SAMD4A: variants seen among roughly 807,000 people sequenced by gnomAD.
SAMD4A encodes the protein protein Smaug homolog 1.
SAMD4A carries 33 observed loss-of-function variants against 81.3 expected under a neutral mutation model. The ratio of observed to expected loss-of-function variants is 0.41; its 90% confidence interval spans 0.31 to 0.54. SAMD4A has a LOEUF of 0.54. SAMD4A is among the 20% of genes least tolerant of loss of function. The probability of loss-of-function intolerance (pLI) is 0.37; values close to 1 mark genes in which losing one functional copy is unlikely to be tolerated. For synonymous variants in SAMD4A, 389 were observed against 382.1 expected (o/e 1.02, Z -0.21); for missense variants, 854 against 951.1 (o/e 0.90, Z 1.34).
At chr14:54,701,092 A>T (rs1404981306) in intron 2 of SAMD4A, 2 of 151,192 alleles carry the variant, frequency 1.3e-5, no homozygotes, top group African/African-American at 4.9e-5. Context: ...TCGACCTCTG[A>T]AGCTCAAGCA....
chr14:54,744,079 G>C (rs2037908848), intron 4 of SAMD4A, among the ~76,000 whole-genome samples: 1 of 152,164 alleles, frequency 6.6e-6, no homozygotes. Context: ...CTGGCTTGCT[G>C]TGGTGAATGG....
intron 2 of SAMD4A, among the ~76,000 whole-genome samples, chr14:54,592,689 G>A (rs905051623): frequency 6.6e-6 from 1 of 152,274 alleles, no homozygotes; most frequent in Middle Eastern, 3.4e-3. Context: ...TCGATCTCCT[G>A]ACCTCGTGAT....
At chr14:54,718,540 G>T (rs577221237) in intron 3 of SAMD4A, among the ~76,000 whole-genome samples, 139 of 151,622 alleles carry the variant, frequency 9.2e-4, no homozygotes, top group African/African-American at 3.2e-3. Context: ...CTGCAGGCTA[G>T]TTTTTTTGGG....
intron 2 of SAMD4A, among the ~76,000 whole-genome samples, chr14:54,591,022 T>G (rs887938707): frequency 6.6e-6 from 1 of 152,180 alleles, no homozygotes; most frequent in Admixed American, 6.5e-5. Flanking sequence ...CACTCAAGCC[T>G]TCCAAGATCT....
At chr14:54,659,356 C>T (rs984651148) in intron 2 of SAMD4A, among the ~76,000 whole-genome samples, 9 of 152,122 alleles carry the variant, frequency 5.9e-5, no homozygotes, top group African/African-American at 1.4e-4. Context: ...GCCATCTTCC[C>T]TTGGTGGTAT....
At chr14:54,764,320 T>G (rs1364591160) in intron 7 of SAMD4A, 135 bp from the exon 8 acceptor site, 3 of 660,150 alleles carry the variant, frequency 4.5e-6, no homozygotes, top group Non-Finnish European at 7.9e-6. Flanking sequence ...CCTCTTGGCC[T>G]TTTTTGTGAG....
At position 54,567,863 on chromosome 14, in the gene SAMD4A, G is replaced by A; in HGVS notation, c.-54G>A. The stretch of plus-strand genomic sequence containing the variant: ...GGCTCCGCCAAACTTTGGGGCGGGC[G>A]GGGCGGGCTGGGGCGCCCAGGGGGC... On this transcript the variant is annotated 5_prime_UTR_variant, in exon 2 of 13. Coordinates refer to ENST00000554335, the MANE Select transcript of SAMD4A (RefSeq NM_015589.6). The A allele has an allele frequency of 6.5e-7, 1 of 1,548,758 alleles. No individual in the cohort carries two copies. The highest frequency in any genetic ancestry group is 1.2e-5 in the South Asian group (1 of 84,944).
chr14:54,776,458 C>T lies in SAMD4A; in HGVS notation c.1962C>T (p.Ser654=). 1 of 1,595,028 alleles carries T rather than the reference C, an allele frequency of 6.3e-7. No homozygotes were observed. The part of the protein sequence containing the change: ...ANPGGSNSMP[S]RTHSSVQRTR... ...CCGGGGGCAGCAATAGCATGCCAAG[C>T]CGCACCCACAGCTCAGTCCAGAGGA... Residue 654 remains serine, a synonymous_variant, in exon 11 of 13, where the codon AGC becomes AGT. Coordinates refer to ENST00000554335, the MANE Select transcript of SAMD4A (RefSeq NM_015589.6).
At chr14:54,653,313 T>C (rs1318086466) in intron 2 of SAMD4A, among the ~76,000 whole-genome samples, 1 of 116,640 alleles carries the variant, frequency 8.6e-6, no homozygotes, top group Non-Finnish European at 1.9e-5. Context: ...ATTATTATTA[T>C]TATTATTATT....
chr14:54,601,363 G>A (rs1368215906), intron 2 of SAMD4A, among the ~76,000 whole-genome samples: 1 of 151,954 alleles, frequency 6.6e-6, no homozygotes, highest in Non-Finnish European at 1.5e-5. Flanking sequence ...ATCCATTATG[G>A]AAGTAGGTAG....
At chr14:54,587,948 G>A (rs2140170140) in intron 2 of SAMD4A, among the ~76,000 whole-genome samples, 1 of 152,198 alleles carries the variant, frequency 6.6e-6, no homozygotes, top group East Asian at 1.9e-4. Context: ...TTGGAATAGT[G>A]TCAATAGGAT....
At chr14:54,568,810 G>C (rs888795062) in intron 2 of SAMD4A, among the ~76,000 whole-genome samples, 1 of 146,780 alleles carries the variant, frequency 6.8e-6, no homozygotes, top group African/African-American at 2.5e-5. Context: ...AAAGGGTCTT[G>C]GAGAAAGGAC....
At chr14:54,745,380 C>A (rs1387485602) in intron 4 of SAMD4A, among the ~76,000 whole-genome samples, 2 of 152,156 alleles carry the variant, frequency 1.3e-5, no homozygotes, top group African/African-American at 4.8e-5. Context: ...TCTGTGTTTC[C>A]TTCCTGCTTC....
At chr14:54,588,625 A>G (rs190098907) in intron 2 of SAMD4A, among the ~76,000 whole-genome samples, 58 of 152,298 alleles carry the variant, frequency 3.8e-4, no homozygotes, top group African/African-American at 1.3e-3. Flanking sequence ...TATTGTTAAA[A>G]ACAAACAAAA....
At position 54,777,487 on chromosome 14, in the gene SAMD4A, G is replaced by A. The variant is rs2038886028; in HGVS notation, c.2044+947G>A. Among the ~76,000 whole-genome samples, 3 of 152,198 alleles carry A rather than the reference G, an allele frequency of 2.0e-5. No individual in the cohort carries two copies. The South Asian group carries it at 6.2e-4, about 32-fold the overall frequency. On this transcript the variant is annotated intron_variant, in intron 11 of 12. Coordinates refer to ENST00000554335, the MANE Select transcript of SAMD4A (RefSeq NM_015589.6). ...ACCACAGCATGGCCCGGAAGCCGTG[G>A]CTGGGCCAAAGGGTCTGGCTGAGGT...
chr14:54,754,777 GT>G (rs1245984690), intron 6 of SAMD4A: 4 of 975,106 alleles, frequency 4.1e-6, no homozygotes, highest in Non-Finnish European at 4.9e-6. Context: ...CCCGCCCATA[GT>G]TAGTTCATAA....
chr14:54,591,939 C>T (rs1222148401), intron 2 of SAMD4A, among the ~76,000 whole-genome samples: 3 of 152,156 alleles, frequency 2.0e-5, no homozygotes, highest in Non-Finnish European at 4.4e-5. Context: ...CACCACTCTT[C>T]TCCATGAGCC....
intron 2 of SAMD4A, among the ~76,000 whole-genome samples, chr14:54,569,271 GAGCAGCAAGAAGCGAGC>G (rs2033056954): frequency 4.6e-5 from 7 of 152,188 alleles, no homozygotes. Context: ...TGTGCCTTCA[GAGCAGCAAGAAGCGAGC>G]CGGCCTACTC....
chr14:54,643,999 T>C (rs1419553508), intron 2 of SAMD4A, among the ~76,000 whole-genome samples: 2 of 152,186 alleles, frequency 1.3e-5, no homozygotes, highest in African/African-American at 4.8e-5. Flanking sequence ...AAATGCTTAT[T>C]GCGGACAGCT....
Sources: allele counts gnomAD v4.1 joint callset (sites outside exome capture counted in the v4.1 genomes callset), GRCh38; gene constraint gnomAD v4.1.1; transcripts MANE v1.5; gene names NCBI Gene and HGNC (gene_info 2026-07-23, HGNC 2026-07-21).